GABRQ: variants seen among roughly 807,000 people sequenced by gnomAD.
GABRQ encodes gamma-aminobutyric acid receptor subunit theta.
In GABRQ, 19 loss-of-function variants were observed where a neutral mutation model predicts 30.5. That is an observed-to-expected ratio of 0.62 (90% CI 0.43 to 0.91). GABRQ has a LOEUF of 0.91. Among genes scored for constraint, GABRQ ranks in the 40% least tolerant of loss-of-function variants. The pLI is 0.00. For synonymous variants in GABRQ, 187 were observed against 210.2 expected (o/e 0.89, Z 0.95); for missense variants, 520 against 521.4 (o/e 1.00, Z 0.03).
chrX:152,645,941 T>C (rs1346760326), intron 3 of GABRQ, among the ~76,000 whole-genome samples: 3 of 112,559 alleles, frequency 2.7e-5, no homozygotes, highest in Admixed American at 9.4e-5. Context: ...CCTTCAACTA[T>C]ATTGAAATTC....
At position 152,638,283 on chromosome X, in the gene GABRQ, T is replaced by G; in HGVS notation, c.81T>G (p.Ser27Arg). 1 of 1,210,256 alleles carries G rather than the reference T, an allele frequency of 8.3e-7. No individual in the cohort carries two copies. The highest frequency in any genetic ancestry group is 2.3e-4 in the Middle Eastern group (1 of 4,349). Residue 27 changes from serine to arginine, a missense_variant, in exon 1 of 9, where the codon AGT (serine) becomes AGG (arginine). Transcript: ENST00000598523. ...GGCTCGCGGAGGGCAACTACCCCAG[T>G]CCCATCCCGAAATTCCACTTCGAGT... ...RTWLAEGNYP[S>R]PIPKFHFEFS...
chrX:152,640,418 G>A lies in GABRQ; in HGVS notation c.190G>A (p.Asp64Asn), dbSNP rs782313029. 14 of 1,202,551 alleles carry A rather than the reference G, an allele frequency of 1.2e-5. No individual in the cohort carries two copies. In the South Asian group the frequency reaches 1.9e-4, roughly 17 times the overall value. Reference sequence around the variant, plus strand: ...TGAAGCTGTGGTTCAAAAGATTTTGGACAGGGTGCTGTCAAGATACGATGT... The same window carrying A: ...TGAAGCTGTGGTTCAAAAGATTTTGAACAGGGTGCTGTCAAGATACGATGT... ...ANEAVVQKIL[D>N]RVLSRYDVRL... Residue 64 changes from aspartate to asparagine, a missense_variant, in exon 2 of 9, where the codon GAC becomes AAC. Coordinates refer to ENST00000598523, the MANE Select transcript of GABRQ (RefSeq NM_018558.4).
Position 152,651,549 on chromosome X carries a change from A to C in GABRQ, c.925A>C (p.Thr309Pro). 5 of 1,207,125 alleles carry C rather than the reference A, an allele frequency of 4.1e-6. No individual in the cohort carries two copies. Among genetic ancestry groups the C allele is most frequent in the African/African-American group, 1.7e-5 (1 of 57,756 alleles). The change falls in exon 8 of 9, where the codon ACC becomes CCC. Residue 309 changes from threonine (T) to proline (P), a missense_variant. Coordinates refer to ENST00000598523, the MANE Select transcript of GABRQ (RefSeq NM_018558.4). ...TIGLTSMLILTTIDSHLRDKL... is the reference protein window; with the variant it reads ...TIGLTSMLILPTIDSHLRDKL... Reference sequence around the variant, plus strand: ...AGGCTTAACTTCAATGCTCATCCTGACCACCATCGACTCACATCTGCGGGA... The same window carrying C: ...AGGCTTAACTTCAATGCTCATCCTGCCCACCATCGACTCACATCTGCGGGA...
At chrX:152,652,452 G>A (rs1931045204) in intron 8 of GABRQ, 89 bp from the exon 9 acceptor site, 5 of 774,487 alleles carry the variant, frequency 6.5e-6, no homozygotes, top group Non-Finnish European at 9.5e-6. Context: ...AAGTGCTGAT[G>A]AGGGAAGTCC....
rs1186307732 is a variant in GABRQ, at chrX:152,646,962, G to T, written c.321G>T (p.Thr107=). ...ISEMNMDYTI[T]MFFHQTWKDS... ...TGTCTTCCCAGGACTACACGATCAC[G>T]ATGTTTTTTCATCAGACTTGGAAAG... Residue 107 remains threonine (T), a synonymous_variant, in exon 4 of 9, where the codon ACG becomes ACT. Coordinates refer to ENST00000598523, the MANE Select transcript of GABRQ (RefSeq NM_018558.4). 2 of 1,200,027 alleles carry T rather than the reference G, an allele frequency of 1.7e-6. No homozygotes were observed. Among genetic ancestry groups the T allele is most frequent in the Admixed American group, 2.2e-5 (1 of 45,727 alleles).
At chrX:152,646,840 C>A in intron 3 of GABRQ, 108 bp from the exon 4 acceptor site, 1 of 519,809 alleles carries the variant, frequency 1.9e-6, no homozygotes, top group East Asian at 3.3e-5. Flanking sequence ...ATACTTCATA[C>A]ACTTGCATAC....
At position 152,652,814 on chromosome X, in the gene GABRQ, A is replaced by T. The variant is rs3810651; in HGVS notation, c.1432A>T (p.Ile478Phe). The part of the protein sequence containing the change: ...FNGFQADDSI[I>F]PTEIRNRVEA... ...TGGTTTCCAGGCTGATGACAGTATT[A>T]TTCCTACCGAAATCCGCAACCGTGT... The change falls in exon 9 of 9, where the codon ATT (isoleucine) becomes TTT (phenylalanine). Residue 478 changes from isoleucine to phenylalanine, a missense_variant. Transcript: ENST00000598523. The T allele has an allele frequency of 0.44, 528,175 of 1,207,414 alleles. 79,082 individuals are homozygous for T. Among genetic ancestry groups the T allele is most frequent in the East Asian group, 0.68 (22,854 of 33,641 alleles).
chrX:152,657,836 T>C (rs1280556286), downstream of GABRQ, among the ~76,000 whole-genome samples: 1 of 112,754 alleles, frequency 8.9e-6, no homozygotes, highest in African/African-American at 3.2e-5. Context: ...GGTAGAAGTT[T>C]CGTTCAATTT....
At chrX:152,641,278 A>AG (rs1930750172) in intron 2 of GABRQ, among the ~76,000 whole-genome samples, 1 of 112,646 alleles carries the variant, frequency 8.9e-6, no homozygotes, top group African/African-American at 3.2e-5. Flanking sequence ...TCTCTAGCCC[A>AG]GGGGACACCT....
In GABRQ at chrX:152,654,684, G is replaced by C. The variant is rs1220330876; in HGVS notation, c.*1403G>C. ...CTGAGCAGGGCCCCTAACGGAAGTA[G>C]GATTGGCCAGCATTCCAACTTGCCA... On this transcript the variant is annotated 3_prime_UTR_variant, in exon 9 of 9. Transcript: ENST00000598523. 8.9e-6 allele frequency: 1 copy of C among 111,915 alleles called. No individual in the cohort carries two copies. The highest frequency in any genetic ancestry group is 1.9e-5 in the Non-Finnish European group (1 of 53,164). The allele number at this position is 111,915 out of a possible 1,213,427, so 9.2% of individuals were successfully genotyped here.
chrX:152,639,156 T>C (rs1257438037), intron 1 of GABRQ, among the ~76,000 whole-genome samples: 2 of 110,793 alleles, frequency 1.8e-5, no homozygotes, highest in Non-Finnish European at 3.8e-5. Context: ...ATTGCTTTAA[T>C]TTGGGAATAA....
At chrX:152,643,499 G>A (rs1930807120) in intron 2 of GABRQ, among the ~76,000 whole-genome samples, 1 of 112,331 alleles carries the variant, frequency 8.9e-6, no homozygotes, top group Non-Finnish European at 1.9e-5. Context: ...TGGAGACTAA[G>A]GGCTTTGCTG....
At chrX:152,650,604 A>G (rs1224347820) in intron 7 of GABRQ, 24 bp downstream of exon 7, 1 of 1,168,849 alleles carries the variant, frequency 8.6e-7, no homozygotes, top group East Asian at 3.0e-5. Context: ...CTGTCCCAGG[A>G]AAGAATTTGG....
chrX:152,652,712 C>T lies in GABRQ; in HGVS notation c.1330C>T (p.Leu444=), dbSNP rs141027732. Residue 444 remains leucine (L), a synonymous_variant, in exon 9 of 9, where the codon CTG becomes TTG. Transcript: ENST00000598523. The stretch of plus-strand genomic sequence containing the variant: ...CACTTCTCTCTCAGGCCAGGCCCCC[C>T]TGGCCACTGGAGAAAGCCTGAGCGA... ...PLTSLSGQAP[L]ATGESLSDLP... 3.2e-5 allele frequency: 39 copies of T among 1,210,065 alleles called. No individual in the cohort carries two copies. In the African/African-American group the frequency reaches 6.4e-4, roughly 20 times the overall value.
chrX:152,649,861 GA>G lies in GABRQ; in HGVS notation c.731del (p.Glu244GlyfsTer12). ...CCTGGGAAGGACGATTACTAGCAAG[GA>G]GGTGTATTTCTACACAGGTGGGTCT... ...TFLGRTITSK[E>X]VYFYTGSYIR... is the part of the protein sequence containing the mutation. On this transcript the variant is annotated frameshift_variant, in exon 6 of 9. Transcript: ENST00000598523. LOFTEE classifies it high-confidence loss of function. 1 of 1,202,718 alleles carries G rather than the reference GA, an allele frequency of 8.3e-7. No homozygotes were observed. The highest frequency in any genetic ancestry group is 1.8e-5 in the South Asian group (1 of 56,680).
Position 152,638,061 on chromosome X carries a change from C to G in GABRQ, c.-142C>G. 1 of 515,093 alleles carries G rather than the reference C, an allele frequency of 1.9e-6. No homozygotes were observed. The highest frequency in any genetic ancestry group is 3.1e-6 in the Non-Finnish European group (1 of 323,088). The allele number at this position is 515,093 out of a possible 1,213,427, so 42.4% of individuals were successfully genotyped here. On this transcript the variant is annotated 5_prime_UTR_variant, in exon 1 of 9. Coordinates refer to ENST00000598523, the MANE Select transcript of GABRQ (RefSeq NM_018558.4). ...CCCTACTTCCCTTGCCCTCGCTGCTCTCTCCTTAGAGGCGACTCTTTGGGG... is the reference window on the plus strand; with the variant it reads ...CCCTACTTCCCTTGCCCTCGCTGCTGTCTCCTTAGAGGCGACTCTTTGGGG...
In GABRQ at chrX:152,653,235, C is replaced by T; in HGVS notation, c.1853C>T (p.Ala618Val). ...TGGTCCCGGTTCCTCTTCCCTCTGGCCTTTGGGTTGTTCAACATTGTTTAC... is the reference window on the plus strand; with the variant it reads ...TGGTCCCGGTTCCTCTTCCCTCTGGTCTTTGGGTTGTTCAACATTGTTTAC... ...DKWSRFLFPL[A>V]FGLFNIVYWV... Residue 618 changes from alanine (A) to valine (V), a missense_variant, in exon 9 of 9, where the codon GCC becomes GTC. By Grantham distance (64) the Ala-to-Val change is moderately conservative (BLOSUM62 0). Coordinates refer to ENST00000598523, the MANE Select transcript of GABRQ (RefSeq NM_018558.4). 2 of 1,206,518 alleles carry T rather than the reference C, an allele frequency of 1.7e-6. No individual in the cohort carries two copies. Among genetic ancestry groups the T allele is most frequent in the African/African-American group, 3.5e-5 (2 of 57,653 alleles).
At chrX:152,650,900 G>A (rs1449241213) in intron 7 of GABRQ, among the ~76,000 whole-genome samples, 4 of 111,593 alleles carry the variant, frequency 3.6e-5, no homozygotes, top group Admixed American at 9.5e-5. Flanking sequence ...CATTAAAAGG[G>A]GGCTAAATCA....
intron 2 of GABRQ, among the ~76,000 whole-genome samples, chrX:152,642,656 T>A: frequency 8.9e-6 from 1 of 112,133 alleles, no homozygotes; most frequent in Middle Eastern, 4.7e-3. Context: ...GGAAGTACAG[T>A]TGAGGCAGGA....
Sources: allele counts gnomAD v4.1 joint callset (sites outside exome capture counted in the v4.1 genomes callset), GRCh38; gene constraint gnomAD v4.1.1; transcripts MANE v1.5; gene names NCBI Gene and HGNC (gene_info 2026-07-23, HGNC 2026-07-21).